Variants in USPL1 observed in about 807,000 individuals in gnomAD.
USPL1 encodes ubiquitin specific peptidase like 1.
In USPL1, 27 loss-of-function variants were observed where a neutral mutation model predicts 51.5. The ratio of observed to expected loss-of-function variants is 0.52; its 90% CI spans 0.39 to 0.72. USPL1 has a LOEUF of 0.72. Ranked by LOEUF, USPL1 falls within the 30% of genes least tolerant of loss-of-function variation. The pLI, the probability that USPL1 is intolerant of heterozygous loss-of-function variation, is 0.00. For missense variants in USPL1, 1,226 were observed against 1,268.0 expected, an observed-to-expected ratio of 0.97 and a Z score of 0.50; for synonymous variants, 451 against 459.6, an observed-to-expected ratio of 0.98 and a Z score of 0.24.
At chr13:30,655,987 G>C (rs907670571) in intron 8 of USPL1, among the ~76,000 whole-genome samples, 1 of 151,858 alleles carries the variant, frequency 6.6e-6, no homozygotes, top group African/African-American at 2.4e-5. Flanking sequence ...ATATACAGTG[G>C]AAGTATGGAT....
intron 3 of USPL1, among the ~76,000 whole-genome samples, chr13:30,627,495 G>A (rs145632054): frequency 4.7e-4 from 71 of 150,622 alleles, no homozygotes; most frequent in African/African-American, 1.5e-3. Context: ...CAGTCCCGGG[G>A]CCTCTTATGG....
At chr13:30,643,054 G>T (rs540201533) in intron 6 of USPL1, among the ~76,000 whole-genome samples, 16 of 152,144 alleles carry the variant, frequency 1.1e-4, no homozygotes, top group South Asian at 1.0e-3. Flanking sequence ...AGAAATGAGG[G>T]GTTTTGCTTG....
intron 5 of USPL1, among the ~76,000 whole-genome samples, chr13:30,639,890 C>T (rs1593377453): frequency 6.6e-6 from 1 of 152,322 alleles, no homozygotes; most frequent in East Asian, 1.9e-4. Context: ...CTTCTTATCC[C>T]TGATAATTAT....
chr13:30,658,243 A>G lies in USPL1; in HGVS notation c.2166A>G (p.Val722=), dbSNP rs896873137. The G allele has an allele frequency of 3.7e-6, 6 of 1,612,488 alleles. No individual in the cohort carries two copies. Among genetic ancestry groups the G allele is most frequent in the Admixed American group, 1.7e-5 (1 of 59,662 alleles). Residue 722 remains valine, a synonymous_variant, in exon 9 of 9, where the codon GTA becomes GTG. Coordinates refer to ENST00000255304, the MANE Select transcript of USPL1 (RefSeq NM_005800.5). ...QLKPERVTSQ[V]SNLKKKETTA... ...AACCAGAACGTGTCACATCTCAGGT[A>G]TCTAATTTGAAGAAAAAAGAAACTA...
In USPL1 at chr13:30,658,409, C is replaced by A. The variant is rs1566062618; in HGVS notation, c.2332C>A (p.His778Asn). Reference protein sequence around the residue: ...ASFMPLCVSAHNRNTITDLQP... With the variant: ...ASFMPLCVSANNRNTITDLQP... ...TTTTATGCCACTCTGTGTTTCAGCT[C>A]ATAATAGAAACACTATAACTGATTT... Residue 778 changes from histidine to asparagine, a missense_variant, in exon 9 of 9, where the codon CAT (histidine) becomes AAT (asparagine). By Grantham distance (68) the His-to-Asn change is moderately conservative. Transcript: ENST00000255304. 1 of 1,613,626 alleles carries A rather than the reference C, an allele frequency of 6.2e-7. No homozygotes were observed. Among genetic ancestry groups the A allele is most frequent in the Non-Finnish European group, 8.5e-7 (1 of 1,180,012 alleles).
At chr13:30,632,794 C>T (rs1950825114) in intron 4 of USPL1, among the ~76,000 whole-genome samples, 1 of 152,146 alleles carries the variant, frequency 6.6e-6, no homozygotes. Context: ...AGTGTTTAAA[C>T]TACTGAAAAG....
At position 30,657,839 on chromosome 13, in the gene USPL1, C is replaced by T; in HGVS notation, c.1762C>T (p.Leu588Phe). Reference protein sequence around the residue: ...GLVDNILPLTLEETIQKTASV... With the variant: ...GLVDNILPLTFEETIQKTASV... ...GGTTGACAATATTTTACCTCTGACA[C>T]TTGAAGAAACTATCCAGAAAACAGC... The change falls in exon 9 of 9, where the codon CTT (leucine) becomes TTT (phenylalanine). Residue 588 changes from leucine to phenylalanine, a missense_variant. Coordinates refer to ENST00000255304, the MANE Select transcript of USPL1 (RefSeq NM_005800.5). The T allele has an allele frequency of 6.2e-7, 1 of 1,614,020 alleles. No individual in the cohort carries two copies. The highest frequency in any genetic ancestry group is 8.5e-7 in the Non-Finnish European group (1 of 1,180,036).
intron 3 of USPL1, among the ~76,000 whole-genome samples, chr13:30,623,839 G>T (rs1413453340): frequency 6.6e-6 from 1 of 152,170 alleles, no homozygotes. Flanking sequence ...GGCTGGTGCC[G>T]TGTAGGAGGT....
chr13:30,655,072 G>T (rs1322455375), intron 8 of USPL1, among the ~76,000 whole-genome samples: 1 of 151,756 alleles, frequency 6.6e-6, no homozygotes, highest in Non-Finnish European at 1.5e-5. Flanking sequence ...CTGAGTAGCC[G>T]GAATACACGC....
rs1049652792 is a variant in USPL1, at chr13:30,658,487, A to G, written c.2410A>G (p.Ile804Val). Residue 804 changes from isoleucine to valine, a missense_variant, in exon 9 of 9, where the codon ATA becomes GTA. Transcript: ENST00000255304. ...TTTTGGTGGCTTTAAAACTAAAGGT[A>G]TAAACCAGAAGGCCAGCCACGTATC... is the stretch of plus-strand genomic sequence containing the variant. ...NNFGGFKTKG[I>V]NQKASHVSKK... The G allele has an allele frequency of 4.3e-6, 7 of 1,613,802 alleles. No individual in the cohort carries two copies. In the African/African-American group the frequency reaches 5.3e-5, roughly 12 times the overall value.
rs958207492 is a variant in USPL1, at chr13:30,659,401, G to T, written c.*45G>T. ...TTTCATATAATATTTATTATTATTAGAAGAACTTACAATGTGTTCAGGTAG... is the reference window on the plus strand; with the variant it reads ...TTTCATATAATATTTATTATTATTATAAGAACTTACAATGTGTTCAGGTAG... On this transcript the variant is annotated 3_prime_UTR_variant, in exon 9 of 9. Transcript: ENST00000255304. 1.4e-6 allele frequency: 2 copies of T among 1,431,572 alleles called. No individual in the cohort carries two copies. Among genetic ancestry groups the T allele is most frequent in the African/African-American group, 2.9e-5 (2 of 68,988 alleles). 88.7% of individuals were successfully genotyped at this position (1,431,572 alleles called of 1,614,324 possible).
chr13:30,641,492 A>G lies in USPL1; in HGVS notation c.983-1136A>G, dbSNP rs533526430. Among the ~76,000 whole-genome samples the G allele has an allele frequency of 3.3e-5, 5 of 152,326 alleles. No individual in the cohort carries two copies. The East Asian group carries it at 9.6e-4, about 29-fold the overall frequency. On this transcript the variant is annotated intron_variant, in intron 5 of 8. Coordinates refer to ENST00000255304, the MANE Select transcript of USPL1 (RefSeq NM_005800.5). Reference sequence around the variant, plus strand: ...GGCTCTGTGCAGGGTAGGGGAAGGGATGGAAGGACTCAGTCTCTTGGGCCA... The same window carrying G: ...GGCTCTGTGCAGGGTAGGGGAAGGGGTGGAAGGACTCAGTCTCTTGGGCCA...
chr13:30,650,904 C>T (rs1286292808), intron 7 of USPL1, among the ~76,000 whole-genome samples: 2 of 151,890 alleles, frequency 1.3e-5, no homozygotes, highest in African/African-American at 2.4e-5. Flanking sequence ...GCAGGAGAAT[C>T]GCTTGAACCC....
At chr13:30,626,357 A>G (rs1339862234) in intron 3 of USPL1, among the ~76,000 whole-genome samples, 1 of 149,860 alleles carries the variant, frequency 6.7e-6, no homozygotes, top group Non-Finnish European at 1.5e-5. Flanking sequence ...AATCAAAAGA[A>G]GAATACCCTT....
chr13:30,641,170 A>G (rs1198705124), intron 5 of USPL1, among the ~76,000 whole-genome samples: 2 of 152,256 alleles, frequency 1.3e-5, no homozygotes, highest in African/African-American at 4.8e-5. Context: ...AATACCAATC[A>G]TAGGGACATT....
At chr13:30,655,496 C>T (rs552188580) in intron 8 of USPL1, among the ~76,000 whole-genome samples, 1 of 152,300 alleles carries the variant, frequency 6.6e-6, no homozygotes, top group African/African-American at 2.4e-5. Flanking sequence ...GGCAAGTACC[C>T]TTTATCCCTC....
At chr13:30,622,249 T>C (rs746554253) in intron 3 of USPL1, among the ~76,000 whole-genome samples, 5 of 152,178 alleles carry the variant, frequency 3.3e-5, no homozygotes, top group Non-Finnish European at 5.9e-5. Flanking sequence ...GAATTTCTAA[T>C]GTACCTGGAA....
At chr13:30,654,070 T>A (rs1360790159) in intron 8 of USPL1, among the ~76,000 whole-genome samples, 1 of 152,228 alleles carries the variant, frequency 6.6e-6, no homozygotes, top group Non-Finnish European at 1.5e-5. Flanking sequence ...CTTAAGGTTT[T>A]ACCCTGTTTC....
chr13:30,641,142 C>T (rs1018286297), intron 5 of USPL1, among the ~76,000 whole-genome samples: 4 of 152,060 alleles, frequency 2.6e-5, no homozygotes, highest in South Asian at 2.1e-4. Flanking sequence ...TAAAAAGCAC[C>T]GAGGGAATTT....
Sources: gnomAD v4.1 joint callset for allele counts (sites outside exome capture counted in the v4.1 genomes callset) on GRCh38, gnomAD v4.1.1 for gene constraint, MANE v1.5 for transcripts, NCBI Gene and HGNC (gene_info 2026-07-23, HGNC 2026-07-21) for gene names.